The following SP5 variants were observed in gnomAD, a reference collection of about 807,000 sequenced individuals.
The protein encoded by SP5 is transcription factor Sp5.
In SP5, 12 loss-of-function variants were observed where a neutral mutation model predicts 27.4. The ratio of observed to expected loss-of-function variants is 0.44; its 90% CI spans 0.28 to 0.71. The LOEUF (loss-of-function observed/expected upper bound fraction) is 0.71, where lower values mean the gene tolerates loss of function less well. Ranked by LOEUF, SP5 falls within the 30% of genes least tolerant of loss-of-function variation. SP5 has a pLI of 0.15. For synonymous variants in SP5, 330 were observed against 290.7 expected (o/e 1.14, Z -1.38); for missense variants, 660 against 589.8 (o/e 1.12, Z -1.23).
rs546740915 is a variant in SP5 at position 170,717,005 on chromosome 2, C to A, written c.798C>A (p.Ala266=). The A allele has an allele frequency of 2.5e-5, 39 of 1,547,728 alleles. No individual in the cohort carries two copies. In the South Asian group the frequency reaches 4.4e-4, roughly 17 times the overall value. ...ALLQTKAPLA[A]TARRCRRCRC... ...TGCAGACCAAGGCCCCCCTGGCGGC[C>A]ACGGCCAGGAGGTGCCGCCGCTGCC... The change falls in exon 2 of 2, where the codon GCC becomes GCA. Residue 266 remains alanine (A), a synonymous_variant. Coordinates refer to ENST00000375281, the MANE Select transcript of SP5 (RefSeq NM_001003845.3).
chr2:170,717,372 G>T lies in SP5; in HGVS notation c.1165G>T (p.Gly389Trp). 1 of 1,611,092 alleles carries T rather than the reference G, an allele frequency of 6.2e-7. No individual in the cohort carries two copies. Among genetic ancestry groups the T allele is most frequent in the Non-Finnish European group, 8.5e-7 (1 of 1,179,988 alleles). ...TAAGAAGCTCAAAGTCGCTGAGGCCGGGGTTAAGCGGGAGGACGCGCGGGA... is the reference window on the plus strand; with the variant it reads ...TAAGAAGCTCAAAGTCGCTGAGGCCTGGGTTAAGCGGGAGGACGCGCGGGA... ...QNKKLKVAEA[G>W]VKREDARDL The change falls in exon 2 of 2, where the codon GGG becomes TGG. Residue 389 changes from glycine to tryptophan, a missense_variant. Physicochemically the swap from Gly to Trp is radical, Grantham distance 184 (BLOSUM62 -2). Transcript: ENST00000375281.
chr2:170,715,607 C>A, intron 1 of SP5, 44 bp downstream of exon 1: 1 of 1,534,530 alleles, frequency 6.5e-7, no homozygotes, highest in African/African-American at 1.4e-5. Context: ...GTGGAAAGGG[C>A]CGTGTCCGGA....
In SP5 at chr2:170,716,242, C is replaced by T. The variant is rs546481280; in HGVS notation, c.52-17C>T. On this transcript the variant is annotated splice_polypyrimidine_tract_variant and intron_variant, in intron 1 of 1. Transcript: ENST00000375281. ...AACCTTTTGTCTCTTCTCCGCCCTCCCTCGCCGCCTATGCAGGACCGCACC... is the reference window on the plus strand; with the variant it reads ...AACCTTTTGTCTCTTCTCCGCCCTCTCTCGCCGCCTATGCAGGACCGCACC... 1 of 1,577,614 alleles carries T rather than the reference C, an allele frequency of 6.3e-7. No individual in the cohort carries two copies. The highest frequency in any genetic ancestry group is 8.5e-7 in the Non-Finnish European group (1 of 1,173,652).
intron 1 of SP5, chr2:170,715,962 C>G: frequency 1.5e-6 from 2 of 1,347,994 alleles, no homozygotes; most frequent in East Asian, 3.1e-5. Context: ...GGGAGGGGCC[C>G]GTCGGATGCC....
In SP5 at chr2:170,716,335, T is replaced by C. The variant is rs1174614832; in HGVS notation, c.128T>C (p.Ile43Thr). The C allele has an allele frequency of 1.3e-6, 2 of 1,595,974 alleles. No individual in the cohort carries two copies. The highest frequency in any genetic ancestry group is 2.7e-5 in the African/African-American group (2 of 74,850). ...LALLAATCSR[I>T]GQPGAAAPPD... ...TTGCTGGCCGCCACCTGTAGCCGCA[T>C]CGGCCAGCCGGGCGCGGCGGCGCCC... The change falls in exon 2 of 2, where the codon ATC becomes ACC. Residue 43 changes from isoleucine (I) to threonine (T), a missense_variant. Coordinates refer to ENST00000375281, the MANE Select transcript of SP5 (RefSeq NM_001003845.3).
At position 170,717,429 on chromosome 2, in the gene SP5, C is replaced by T. The variant is rs1700094800; in HGVS notation, c.*25C>T. On this transcript the variant is annotated 3_prime_UTR_variant, in exon 2 of 2. Coordinates refer to ENST00000375281, the MANE Select transcript of SP5 (RefSeq NM_001003845.3). ...AGCCCTCCCGGAGGTGGACCCCCTT[C>T]CCAGCACCTCTGCGAGAGATCCGGG... 1 of 1,606,270 alleles carries T rather than the reference C, an allele frequency of 6.2e-7. No homozygotes were observed. Among genetic ancestry groups the T allele is most frequent in the Non-Finnish European group, 8.5e-7 (1 of 1,179,044 alleles).
chr2:170,717,322 C>A lies in SP5; in HGVS notation c.1115C>A (p.Ala372Glu). The change falls in exon 2 of 2, where the codon GCG (alanine) becomes GAG (glutamate). Residue 372 changes from alanine to glutamate, a missense_variant. Coordinates refer to ENST00000375281, the MANE Select transcript of SP5 (RefSeq NM_001003845.3). ...GKRFMRSDHL[A>E]KHVKTHQNKK... Reference sequence around the variant, plus strand: ...CGCTTCATGCGCAGCGACCACCTCGCGAAGCACGTCAAGACTCACCAGAAT... The same window carrying A: ...CGCTTCATGCGCAGCGACCACCTCGAGAAGCACGTCAAGACTCACCAGAAT... 6.2e-7 allele frequency: 1 copy of A among 1,610,276 alleles called. No homozygotes were observed.
In SP5 at chr2:170,716,720, G is replaced by A. The variant is rs1438796395; in HGVS notation, c.513G>A (p.Pro171=). 2.0e-6 allele frequency: 3 copies of A among 1,488,096 alleles called. No homozygotes were observed. Among genetic ancestry groups the A allele is most frequent in the African/African-American group, 2.9e-5 (2 of 68,094 alleles). The allele number at this position is 1,488,096 out of a possible 1,614,324, so 92.2% of individuals were successfully genotyped here. A position where few individuals can be genotyped will look rare whatever the true frequency, so the allele number is the denominator to read the frequency against. The change falls in exon 2 of 2, where the codon CCG becomes CCA. Residue 171 remains proline (P), a synonymous_variant. Transcript: ENST00000375281. ...TGCCTCCGCCGCCGCCACCGCCCCC[G>A]CCGCCCACCTGCCGCCAGTTGTCAC... ...NLLPPPPPPP[P]PPTCRQLSPN...
Position 170,715,559 on chromosome 2 carries a change from T to G in SP5, c.47T>G (p.Leu16Arg). 1 of 1,557,098 alleles carries G rather than the reference T, an allele frequency of 6.4e-7. No individual in the cohort carries two copies. The highest frequency in any genetic ancestry group is 8.7e-7 in the Non-Finnish European group (1 of 1,151,378). Residue 16 changes from leucine to arginine, a missense_variant, in exon 1 of 2, where the codon CTC becomes CGC. Transcript: ENST00000375281. ...CGGAACGACTCGCTGCAGGCCTTTCTCCAGGTCAGGGCCGAGCCCGGAGGG... is the reference window on the plus strand; with the variant it reads ...CGGAACGACTCGCTGCAGGCCTTTCGCCAGGTCAGGGCCGAGCCCGGAGGG... The part of the protein sequence containing the change: ...VLRNDSLQAF[L>R]QDRTPSASPD...
In SP5 at chr2:170,717,624, G is replaced by A. The variant is rs759727715; in HGVS notation, c.*220G>A. On this transcript the variant is annotated 3_prime_UTR_variant, in exon 2 of 2. Transcript: ENST00000375281. Reference sequence around the variant, plus strand: ...TGGGGCATTTGGATTGTAATTGGGAGCTCTGCCGTACGCCAGGGCGGTTCC... The same window carrying A: ...TGGGGCATTTGGATTGTAATTGGGAACTCTGCCGTACGCCAGGGCGGTTCC... 86 of 645,266 alleles carry A rather than the reference G, an allele frequency of 1.3e-4. No individual in the cohort carries two copies. The highest frequency in any genetic ancestry group is 2.3e-4 in the Non-Finnish European group (86 of 382,014). The allele number at this position is 645,266 out of a possible 1,614,324, so 40.0% of individuals were successfully genotyped here.
At position 170,716,726 on chromosome 2, in the gene SP5, C is replaced by A; in HGVS notation, c.519C>A (p.Pro173=). The change falls in exon 2 of 2, where the codon CCC becomes CCA. Residue 173 remains proline (P), a synonymous_variant. Transcript: ENST00000375281. ...LPPPPPPPPP[P]TCRQLSPNPA... is the part of the protein sequence containing the mutation. ...CGCCGCCGCCACCGCCCCCGCCGCC[C>A]ACCTGCCGCCAGTTGTCACCCAACC... The A allele has an allele frequency of 6.7e-7, 1 of 1,488,028 alleles. No individual in the cohort carries two copies. Among genetic ancestry groups the A allele is most frequent in the Non-Finnish European group, 8.9e-7 (1 of 1,126,856 alleles). The allele number at this position is 1,488,028 out of a possible 1,614,324, so 92.2% of individuals were successfully genotyped here.
chr2:170,716,415 T>C lies in SP5; in HGVS notation c.208T>C (p.Phe70Leu), dbSNP rs1470009242. Reference protein sequence around the residue: ...DPALGSPSRLFHPWTADMPAH... With the variant: ...DPALGSPSRLLHPWTADMPAH... ...CGCGCTGGGCTCACCCTCCAGGCTC[T>C]TCCACCCGTGGACCGCCGACATGCC... Residue 70 changes from phenylalanine (F) to leucine (L), a missense_variant, in exon 2 of 2, where the codon TTC (phenylalanine) becomes CTC (leucine). Phe to Leu is a conservative substitution (Grantham distance 22, BLOSUM62 0). Transcript: ENST00000375281. 1 of 1,600,394 alleles carries C rather than the reference T, an allele frequency of 6.2e-7. No individual in the cohort carries two copies. Among genetic ancestry groups the C allele is most frequent in the African/African-American group, 1.3e-5 (1 of 74,874 alleles).
rs1445596996 is a variant in SP5, at chr2:170,717,496, C to G, written c.*92C>G. ...GCGGAGGGGAGACTCAGCAGACGGA[C>G]CCTCTCCGTTGCCTGCCTCCCAAAA... On this transcript the variant is annotated 3_prime_UTR_variant, in exon 2 of 2. Coordinates refer to ENST00000375281, the MANE Select transcript of SP5 (RefSeq NM_001003845.3). 10 of 1,485,064 alleles carry G rather than the reference C, an allele frequency of 6.7e-6. No individual in the cohort carries two copies. Among genetic ancestry groups the G allele is most frequent in the Admixed American group, 2.3e-5 (1 of 44,290 alleles). The allele number at this position is 1,485,064 out of a possible 1,614,324, so 92.0% of individuals were successfully genotyped here.
At position 170,717,648 on chromosome 2, in the gene SP5, C is replaced by T; in HGVS notation, c.*244C>T. Reference sequence around the variant, plus strand: ...AGCTCTGCCGTACGCCAGGGCGGTTCCAAACTCTAAACCGTTCCCACCGTC... The same window carrying T: ...AGCTCTGCCGTACGCCAGGGCGGTTTCAAACTCTAAACCGTTCCCACCGTC... On this transcript the variant is annotated 3_prime_UTR_variant, in exon 2 of 2. Transcript: ENST00000375281. 1 of 596,422 alleles carries T rather than the reference C, an allele frequency of 1.7e-6. No individual in the cohort carries two copies. The highest frequency in any genetic ancestry group is 2.9e-5 in the East Asian group (1 of 34,004). The allele number at this position is 596,422 out of a possible 1,614,324, so 36.9% of individuals were successfully genotyped here. A position where few individuals can be genotyped will look rare whatever the true frequency, so the allele number is the denominator to read the frequency against.
Position 170,716,508 on chromosome 2 carries a change from C to A in SP5, c.301C>A (p.Leu101Met), listed in dbSNP as rs1043728486. The change falls in exon 2 of 2, where the codon CTG (leucine) becomes ATG (methionine). Residue 101 changes from leucine (L) to methionine (M), a missense_variant. Leu to Met is a conservative substitution (Grantham distance 15). Transcript: ENST00000375281. ...GGGGCTGACGCCGCAGAAGACGCAC[C>A]TGCAGCCGTCCTTCGGGGCTGCGCA... is the stretch of plus-strand genomic sequence containing the variant. ...SLGLTPQKTHLQPSFGAAHEL... is the reference protein window; with the variant it reads ...SLGLTPQKTHMQPSFGAAHEL... 1.9e-5 allele frequency: 30 copies of A among 1,610,814 alleles called. No homozygotes were observed. The Admixed American group carries it at 4.2e-4, about 22-fold the overall frequency.
At position 170,715,390 on chromosome 2, in the gene SP5, G is replaced by T. The variant is rs1056020538; in HGVS notation, c.-123G>T. 2.1e-5 allele frequency: 27 copies of T among 1,314,218 alleles called. No homozygotes were observed. In the African/African-American group the frequency reaches 4.2e-4, roughly 21 times the overall value. 81.4% of individuals were successfully genotyped at this position (1,314,218 alleles called of 1,614,324 possible). ...CGCGGCGAGGGGCAAGGGCGGGGAG[G>T]GCCCCGGCGCTCAGAGCAGGCGCCA... On this transcript the variant is annotated 5_prime_UTR_variant, in exon 1 of 2. Transcript: ENST00000375281.
chr2:170,717,515 C>T lies in SP5; in HGVS notation c.*111C>T, dbSNP rs1700096754. ...GACGGACCCTCTCCGTTGCCTGCCT[C>T]CCAAAATGGAGCCAGGCTTCCAACT... On this transcript the variant is annotated 3_prime_UTR_variant, in exon 2 of 2. Transcript: ENST00000375281. 3 of 1,394,784 alleles carry T rather than the reference C, an allele frequency of 2.2e-6. No individual in the cohort carries two copies. The highest frequency in any genetic ancestry group is 1.5e-5 in the African/African-American group (1 of 68,624). The allele number at this position is 1,394,784 out of a possible 1,614,324, so 86.4% of individuals were successfully genotyped here.
Position 170,716,292 on chromosome 2 carries a change from A to C in SP5, c.85A>C (p.Lys29Gln), listed in dbSNP as rs748611834. 6.3e-7 allele frequency: 1 copy of C among 1,595,572 alleles called. No individual in the cohort carries two copies. Among genetic ancestry groups the C allele is most frequent in the South Asian group, 1.1e-5 (1 of 90,812 alleles). The change falls in exon 2 of 2, where the codon AAG becomes CAG. Residue 29 changes from lysine to glutamine, a missense_variant. Coordinates refer to ENST00000375281, the MANE Select transcript of SP5 (RefSeq NM_001003845.3). ...CCCCAGCGCCTCCCCGGACCTGGGC[A>C]AGCACTCGCCCCTGGCATTGCTGGC... ...RTPSASPDLG[K>Q]HSPLALLAAT...
At chr2:170,715,893 G>A in intron 1 of SP5, 4 of 1,333,480 alleles carry the variant, frequency 3.0e-6, no homozygotes, top group South Asian at 2.0e-5. Flanking sequence ...AAGATGGGAG[G>A]GAGAGCGGCC....
Sources: gnomAD v4.1 joint callset for allele counts on GRCh38, gnomAD v4.1.1 for gene constraint, MANE v1.5 for transcripts, NCBI Gene and HGNC (gene_info 2026-07-23, HGNC 2026-07-21) for gene names.